The following TDRD5 variants were observed in gnomAD, a reference collection of about 807,000 sequenced individuals.
TDRD5 encodes tudor domain containing 5.
Under a neutral mutation model 120.6 loss-of-function variants are expected in TDRD5, and 41 were observed. That is an observed-to-expected ratio of 0.34 (90% CI 0.26 to 0.44). The LOEUF is 0.44. Ranked by LOEUF, TDRD5 falls within the 20% of genes least tolerant of loss-of-function variation. The probability of loss-of-function intolerance (pLI) is 1.00; values close to 1 mark genes in which losing one functional copy is unlikely to be tolerated. For missense variants in TDRD5, 1,006 were observed against 1,221.2 expected (o/e 0.82, Z 2.63); for synonymous variants, 430 against 433.7 (o/e 0.99, Z 0.11).
At chr1:179,651,695 C>T (rs1335554342) in intron 12 of TDRD5, among the ~76,000 whole-genome samples, 2 of 152,110 alleles carry the variant, frequency 1.3e-5, no homozygotes. Flanking sequence ...GGGTGGATCA[C>T]GAGGTCAGGA....
chr1:179,595,562 C>T, intron 3 of TDRD5, 66 bp from the exon 4 acceptor site: 1 of 1,401,976 alleles, frequency 7.1e-7, no homozygotes, highest in Non-Finnish European at 9.6e-7. Context: ...CTGTATGTAG[C>T]CACCGGAAAA....
Position 179,645,246 on chromosome 1 carries a change from C to G in TDRD5, c.1800+4801C>G, listed in dbSNP as rs531983671. 2.3e-4 allele frequency among the ~76,000 whole-genome samples: 34 copies of G among 150,530 alleles called. No homozygotes were observed. The East Asian group carries it at 3.5e-3, about 15-fold the overall frequency. On this transcript the variant is annotated intron_variant, in intron 11 of 17. Coordinates refer to ENST00000444136, the MANE Select transcript of TDRD5 (RefSeq NM_001199085.3). The stretch of plus-strand genomic sequence containing the variant: ...GACTACAGGCGCCCGCCACTACGCC[C>G]GGCTAATTTTTTGTATTTTTAGTAG...
chr1:179,616,943 T>G (rs1414799531), intron 4 of TDRD5, among the ~76,000 whole-genome samples: 2 of 152,198 alleles, frequency 1.3e-5, no homozygotes, highest in Non-Finnish European at 2.9e-5. Flanking sequence ...AATACATTAT[T>G]GTTATTGAAT....
chr1:179,618,755 G>T, intron 5 of TDRD5, 73 bp downstream of exon 5: 1 of 1,094,174 alleles, frequency 9.1e-7, no homozygotes, highest in Non-Finnish European at 1.3e-6. Flanking sequence ...GGTTGAGTTT[G>T]TCTGCAAGTA....
At chr1:179,676,709 G>T (rs1385243752) in intron 17 of TDRD5, among the ~76,000 whole-genome samples, 1 of 152,206 alleles carries the variant, frequency 6.6e-6, no homozygotes, top group Non-Finnish European at 1.5e-5. Flanking sequence ...TTTCTGCTGA[G>T]AAATCTGCTG....
intron 11 of TDRD5, among the ~76,000 whole-genome samples, chr1:179,642,875 C>G (rs1678130642): frequency 6.6e-6 from 1 of 152,008 alleles, no homozygotes; most frequent in Non-Finnish European, 1.5e-5. Context: ...CAGAAGCAGG[C>G]AAAAAAGCAA....
intron 16 of TDRD5, among the ~76,000 whole-genome samples, chr1:179,665,233 A>C (rs2147768380): frequency 6.6e-6 from 1 of 152,270 alleles, no homozygotes; most frequent in Middle Eastern, 3.4e-3. Context: ...TGTCCATTGC[A>C]GCACAAAAGT....
At chr1:179,682,818 G>A (rs1572443647) in intron 17 of TDRD5, among the ~76,000 whole-genome samples, 1 of 151,998 alleles carries the variant, frequency 6.6e-6, no homozygotes, top group Admixed American at 6.6e-5. Context: ...TGGACTTGAT[G>A]TTGCATGTGT....
At chr1:179,602,762 C>T (rs888118585) in intron 4 of TDRD5, among the ~76,000 whole-genome samples, 3 of 152,112 alleles carry the variant, frequency 2.0e-5, no homozygotes, top group Non-Finnish European at 4.4e-5. Flanking sequence ...CAGTAGCATG[C>T]TTTTTTGTTG....
At chr1:179,684,500 A>G (rs556795749) in intron 17 of TDRD5, among the ~76,000 whole-genome samples, 6 of 152,336 alleles carry the variant, frequency 3.9e-5, no homozygotes, top group Admixed American at 6.5e-5. Context: ...TAGTGCTGCA[A>G]TAAACATACA....
intron 4 of TDRD5, among the ~76,000 whole-genome samples, chr1:179,605,503 G>C (rs73035984): frequency 0.03 from 4,497 of 152,206 alleles, 219 homozygotes; most frequent in African/African-American, 0.1. Flanking sequence ...AGGAGGGTTT[G>C]CTCTTGGTGT....
At chr1:179,650,783 T>G in intron 11 of TDRD5, 84 bp from the exon 12 acceptor site, 1 of 1,354,930 alleles carries the variant, frequency 7.4e-7, no homozygotes, top group Admixed American at 1.7e-5. Context: ...AATCTCTAGT[T>G]CATCAGAATT....
At chr1:179,594,869 CT>C (rs1265939549) in intron 3 of TDRD5, among the ~76,000 whole-genome samples, 1 of 152,164 alleles carries the variant, frequency 6.6e-6, no homozygotes, top group Non-Finnish European at 1.5e-5. Flanking sequence ...AGTCCTAAAA[CT>C]TGGGAAGACT....
chr1:179,595,046 G>GT (rs1002151830), intron 3 of TDRD5, among the ~76,000 whole-genome samples: 1 of 151,482 alleles, frequency 6.6e-6, no homozygotes, highest in East Asian at 1.9e-4. Context: ...TTGTTTTTTT[G>GT]TTTTTTGTTT....
At chr1:179,689,698 C>T (rs1428477742) in intron 17 of TDRD5, among the ~76,000 whole-genome samples, 1 of 152,200 alleles carries the variant, frequency 6.6e-6, no homozygotes, top group East Asian at 1.9e-4. Context: ...TGGTGGGCTC[C>T]ACTCAATTCG....
chr1:179,634,678 G>C lies in TDRD5; in HGVS notation c.1299+49G>C, dbSNP rs752051605. The C allele has an allele frequency of 5.2e-6, 8 of 1,524,266 alleles. 1 individual carries two copies. In the South Asian group the frequency reaches 6.7e-5, roughly 13 times the overall value. The allele number at this position is 1,524,266 out of a possible 1,614,324, so 94.4% of individuals were successfully genotyped here. Reference sequence around the variant, plus strand: ...CACTGGAGATTCAGCATTATGGAAAGTAAATGAATGTGTGTTTCTTTAAAC... The same window carrying C: ...CACTGGAGATTCAGCATTATGGAAACTAAATGAATGTGTGTTTCTTTAAAC... On this transcript the variant is annotated intron_variant, in intron 8 of 17. Transcript: ENST00000444136.
chr1:179,612,080 T>A (rs1340947329), intron 4 of TDRD5, among the ~76,000 whole-genome samples: 1 of 152,238 alleles, frequency 6.6e-6, no homozygotes, highest in Admixed American at 6.5e-5. Context: ...TGTGTTTTTA[T>A]GTGCATAGAA....
intron 7 of TDRD5, among the ~76,000 whole-genome samples, chr1:179,633,532 A>T (rs777821377): frequency 6.6e-6 from 1 of 151,602 alleles, no homozygotes; most frequent in African/African-American, 2.4e-5. Flanking sequence ...TTGTATTTTT[A>T]GTAGAGATGG....
rs563280200 is a variant in TDRD5 at position 179,600,572 on chromosome 1, G to A, written c.831+4754G>A. 2.0e-5 allele frequency among the ~76,000 whole-genome samples: 3 copies of A among 152,260 alleles called. No homozygotes were observed. The South Asian group carries it at 6.2e-4, about 32-fold the overall frequency. On this transcript the variant is annotated intron_variant, in intron 4 of 17. Transcript: ENST00000444136. Reference sequence around the variant, plus strand: ...CCCCATTGTTAAAAGATGCATGGCTGTATTTTTCAAAGAACAAGTTTTTAG... The same window carrying A: ...CCCCATTGTTAAAAGATGCATGGCTATATTTTTCAAAGAACAAGTTTTTAG...
Sources: gnomAD v4.1 joint callset for allele counts (sites outside exome capture counted in the v4.1 genomes callset) on GRCh38, gnomAD v4.1.1 for gene constraint, MANE v1.5 for transcripts, NCBI Gene and HGNC (gene_info 2026-07-23, HGNC 2026-07-21) for gene names.